Variants in CATSPER1 observed in about 807,000 individuals in gnomAD.
The protein encoded by CATSPER1 is cation channel sperm associated 1.
Under a neutral mutation model 72.7 loss-of-function variants are expected in CATSPER1, and 57 were observed. The ratio of observed to expected loss-of-function variants is 0.78; its 90% CI spans 0.63 to 0.98. The LOEUF (loss-of-function observed/expected upper bound fraction) is 0.98. Ranked by LOEUF, CATSPER1 falls within the 50% of genes least tolerant of loss-of-function variation. The pLI is 0.00. For synonymous variants in CATSPER1, 363 were observed against 403.0 expected (o/e 0.90, Z 1.19); for missense variants, 910 against 1,033.9 (o/e 0.88, Z 1.64).
chr11:66,025,751 T>C lies in CATSPER1; in HGVS notation c.629A>G (p.His210Arg). ...GGGCCAGCCACGGTGGGGGACTTGG[T>C]GATGCTGGGACTCATCGTGTTGGAG... Reference protein sequence around the residue: ...SGLQHDESQHHQVPHRGWPHH... With the variant: ...SGLQHDESQHRQVPHRGWPHH... The change falls in exon 1 of 12, where the codon CAC (histidine) becomes CGC (arginine). Residue 210 changes from histidine (H) to arginine (R), a missense_variant. Physicochemically the swap from His to Arg is conservative, Grantham distance 29. Coordinates refer to ENST00000312106, the MANE Select transcript of CATSPER1 (RefSeq NM_053054.4). The C allele has an allele frequency of 6.2e-7, 1 of 1,613,752 alleles. No homozygotes were observed. The highest frequency in any genetic ancestry group is 8.5e-7 in the Non-Finnish European group (1 of 1,179,918).
chr11:66,020,214 G>A lies in CATSPER1; in HGVS notation c.2065-14C>T, dbSNP rs1856327048. 6.2e-7 allele frequency: 1 copy of A among 1,613,884 alleles called. No homozygotes were observed. The highest frequency in any genetic ancestry group is 1.1e-5 in the South Asian group (1 of 91,086). ...CCGGGCGGCCCTCTGGGAAGAAGAG[G>A]CCTCAGATCTGCCAGAGTCCCAGGC... is the stretch of plus-strand genomic sequence containing the variant. On this transcript the variant is annotated splice_polypyrimidine_tract_variant and intron_variant, in intron 8 of 11. Transcript: ENST00000312106. This position sits in a 1 kb window ranked among gnomAD's most constrained non-coding sequence, Gnocchi z 4.5.
intron 10 of CATSPER1, among the ~76,000 whole-genome samples, chr11:66,018,311 C>T (rs569651477): frequency 6.6e-6 from 1 of 152,224 alleles, no homozygotes; most frequent in African/African-American, 2.4e-5. Context: ...CCCCAGAGAT[C>T]CTTCTCATGG....
Position 66,017,130 on chromosome 11 carries a change from A to G in CATSPER1, c.2246T>C (p.Val749Ala), listed in dbSNP as rs774195313. The G allele has an allele frequency of 4.7e-6, 7 of 1,474,106 alleles. No homozygotes were observed. The South Asian group carries it at 7.9e-5, about 17-fold the overall frequency. The allele number at this position is 1,474,106 out of a possible 1,614,324, so 91.3% of individuals were successfully genotyped here. A position where few individuals can be genotyped will look rare whatever the true frequency, so the allele number is the denominator to read the frequency against. Residue 749 changes from valine (V) to alanine (A), a missense_variant, in exon 11 of 12, where the codon GTG (valine) becomes GCG (alanine). Coordinates refer to ENST00000312106, the MANE Select transcript of CATSPER1 (RefSeq NM_053054.4). ...LFHYLQLVAS[V>A]EQEQQKFRSQ... ...GCGGAACTTCTGCTGCTCCTGCTCC[A>G]CGCTTGCCACCAGCTGCAGGTAATG... is the stretch of plus-strand genomic sequence containing the variant.
At chr11:66,019,926 A>G (rs1206727924) in intron 9 of CATSPER1, among the ~76,000 whole-genome samples, 2 of 148,582 alleles carry the variant, frequency 1.3e-5, no homozygotes, top group African/African-American at 5.1e-5. Flanking sequence ...CTCAAAAAAA[A>G]AAAAAAAAAA....
At chr11:66,021,730 A>G (rs1303334815) in intron 3 of CATSPER1, 36 bp downstream of exon 3, 1 of 1,612,714 alleles carries the variant, frequency 6.2e-7, no homozygotes, top group Non-Finnish European at 8.5e-7. Flanking sequence ...CCTCCCCCAG[A>G]CTAAACACAC....
chr11:66,017,196 G>A (rs201027479), intron 10 of CATSPER1, 22 bp from the exon 11 acceptor site: 8 of 1,479,458 alleles, frequency 5.4e-6, no homozygotes, highest in East Asian at 2.4e-5. Context: ...CGGGGGGGTC[G>A]CAGAGACAGG....
Position 66,017,193 on chromosome 11 carries a change from G to GGGGGGGGCCCC in CATSPER1, c.2202-20_2202-19insGGGGCCCCCCC. 2.0e-6 allele frequency: 1 copy of GGGGGGGGCCCC among 493,812 alleles called. No homozygotes were observed. Among genetic ancestry groups the GGGGGGGGCCCC allele is most frequent in the East Asian group, 5.5e-5 (1 of 18,088 alleles). 30.6% of individuals were successfully genotyped at this position (493,812 alleles called of 1,614,324 possible). On this transcript the variant is annotated intron_variant, in intron 10 of 11. Coordinates refer to ENST00000312106, the MANE Select transcript of CATSPER1 (RefSeq NM_053054.4). ...CTGCTGCCTGCGGGTGGGCGGGGGG[G>GGGGGGGGCCCC]TCGCAGAGACAGGGGCTGGGCTGAC...
Position 66,020,355 on chromosome 11 carries a change from T to C in CATSPER1, c.2026A>G (p.Thr676Ala), listed in dbSNP as rs1401420679. The change falls in exon 8 of 12, where the codon ACG (threonine) becomes GCG (alanine). Residue 676 changes from threonine (T) to alanine (A), a missense_variant. By Grantham distance (58) the Thr-to-Ala change is moderately conservative. Transcript: ENST00000312106. This position sits in a 1 kb window ranked among gnomAD's most constrained non-coding sequence, Gnocchi z 4.5. The stretch of plus-strand genomic sequence containing the variant: ...TTCTCAAGGCCTTTGAACAGCGCCG[T>C]CTGGAAGCTATCCACCAGGACAGTA... ...VITVLVDSFQ[T>A]ALFKGLEKAK... The C allele has an allele frequency of 1.1e-5, 17 of 1,614,044 alleles. No homozygotes were observed. Among genetic ancestry groups the C allele is most frequent in the Non-Finnish European group, 1.4e-5 (17 of 1,180,018 alleles).
In CATSPER1 at chr11:66,020,039, T is replaced by A; in HGVS notation, c.2125+101A>T. 3 of 1,292,252 alleles carry A rather than the reference T, an allele frequency of 2.3e-6. No homozygotes were observed. Among genetic ancestry groups the A allele is most frequent in the Non-Finnish European group, 3.3e-6 (3 of 902,748 alleles). 80.0% of individuals were successfully genotyped at this position (1,292,252 alleles called of 1,614,324 possible). ...GTCTCAAATTCTAAAACTCTAAAAC[T>A]GAGTCTGGAATTCTGTGACTGTGGA... On this transcript the variant is annotated intron_variant, in intron 9 of 11. Transcript: ENST00000312106. This position sits in a 1 kb window ranked among gnomAD's most constrained non-coding sequence, Gnocchi z 4.5.
chr11:66,019,210 T>C (rs1231410824), intron 9 of CATSPER1, among the ~76,000 whole-genome samples: 2 of 152,110 alleles, frequency 1.3e-5, no homozygotes, highest in African/African-American at 4.8e-5. Flanking sequence ...CCATGTCCTC[T>C]GGCTGAAGTT....
chr11:66,025,575 G>T lies in CATSPER1; in HGVS notation c.805C>A (p.Gln269Lys). The T allele has an allele frequency of 6.2e-7, 1 of 1,605,400 alleles. No individual in the cohort carries two copies. Among genetic ancestry groups the T allele is most frequent in the East Asian group, 2.2e-5 (1 of 44,536 alleles). Residue 269 changes from glutamine to lysine, a missense_variant, in exon 1 of 12, where the codon CAA (glutamine) becomes AAA (lysine). By Grantham distance (53) the Gln-to-Lys change is moderately conservative. Transcript: ENST00000312106. ...GISDYHSEYH[Q>K]GDHHPSEYHH... is the part of the protein sequence containing the mutation. ...TACTCACTGGGGTGGTGATCACCTT[G>T]GTGGTACTCGCTGTGATAGTCAGAT...
intron 10 of CATSPER1, among the ~76,000 whole-genome samples, 190 bp from the exon 11 acceptor site, chr11:66,017,364 C>T (rs1436256349): frequency 6.6e-6 from 1 of 152,166 alleles, no homozygotes; most frequent in Non-Finnish European, 1.5e-5. Flanking sequence ...CTGCCTGTAG[C>T]GCAGAGGCTT....
At position 66,020,493 on chromosome 11, in the gene CATSPER1, G is replaced by A; in HGVS notation, c.1991+71C>T. 1 of 1,598,012 alleles carries A rather than the reference G, an allele frequency of 6.3e-7. No homozygotes were observed. Among genetic ancestry groups the A allele is most frequent in the Non-Finnish European group, 8.6e-7 (1 of 1,165,778 alleles). On this transcript the variant is annotated intron_variant, in intron 7 of 11. Coordinates refer to ENST00000312106, the MANE Select transcript of CATSPER1 (RefSeq NM_053054.4). This position sits in a 1 kb window ranked among gnomAD's most constrained non-coding sequence, Gnocchi z 4.5. ...GTGGCATGACCAGGGTGAGAGGGCTGGGGTAAGGGTCCCAGGGGAGAGGAG... is the reference window on the plus strand; with the variant it reads ...GTGGCATGACCAGGGTGAGAGGGCTAGGGTAAGGGTCCCAGGGGAGAGGAG...
chr11:66,020,230 A>G lies in CATSPER1; in HGVS notation c.2065-30T>C. On this transcript the variant is annotated intron_variant, in intron 8 of 11. Coordinates refer to ENST00000312106, the MANE Select transcript of CATSPER1 (RefSeq NM_053054.4). The surrounding 1 kb of genome is among the most constrained non-coding windows in gnomAD (Gnocchi z 4.5). ...GAAGAAGAGGCCTCAGATCTGCCAG[A>G]GTCCCAGGCCTGCTCAACCCTGGAG... The G allele has an allele frequency of 6.2e-7, 1 of 1,614,018 alleles. No individual in the cohort carries two copies. Among genetic ancestry groups the G allele is most frequent in the Non-Finnish European group, 8.5e-7 (1 of 1,179,930 alleles).
chr11:66,017,193 G>GGGGGGGGC lies in CATSPER1; in HGVS notation c.2202-20_2202-19insGCCCCCCC. ...CTGCTGCCTGCGGGTGGGCGGGGGG[G>GGGGGGGGC]TCGCAGAGACAGGGGCTGGGCTGAC... is the stretch of plus-strand genomic sequence containing the variant. On this transcript the variant is annotated intron_variant, in intron 10 of 11. Coordinates refer to ENST00000312106, the MANE Select transcript of CATSPER1 (RefSeq NM_053054.4). 3.0e-5 allele frequency: 15 copies of GGGGGGGGC among 493,774 alleles called. No individual in the cohort carries two copies. The highest frequency in any genetic ancestry group is 5.5e-5 in the East Asian group (1 of 18,090). The allele number at this position is 493,774 out of a possible 1,614,324, so 30.6% of individuals were successfully genotyped here. A position where few individuals can be genotyped will look rare whatever the true frequency, so the allele number is the denominator to read the frequency against.
At chr11:66,024,155 A>C (rs987259270) in intron 1 of CATSPER1, among the ~76,000 whole-genome samples, 7 of 150,386 alleles carry the variant, frequency 4.7e-5, no homozygotes, top group African/African-American at 1.7e-4. Flanking sequence ...TGGTAGAGAC[A>C]GGGTTTTGCC....
Position 66,021,130 on chromosome 11 carries a change from T to C in CATSPER1, c.1747A>G (p.Ile583Val), listed in dbSNP as rs770588188. 26 of 1,613,232 alleles carry C rather than the reference T, an allele frequency of 1.6e-5. No individual in the cohort carries two copies. Among genetic ancestry groups the C allele is most frequent in the Non-Finnish European group, 2.0e-5 (24 of 1,179,818 alleles). ...TGTLGQSLPS[I>V]AAILILMFTC... ...AACATGAGGATGAGGATGGCTGCGA[T>C]GGACGGCAAGGACTGGCCCAGGGTC... The change falls in exon 5 of 12, where the codon ATC becomes GTC. Residue 583 changes from isoleucine (I) to valine (V), a missense_variant. Transcript: ENST00000312106.
chr11:66,021,768 A>G lies in CATSPER1; in HGVS notation c.1541T>C (p.Leu514Ser). 1 of 1,613,958 alleles carries G rather than the reference A, an allele frequency of 6.2e-7. No homozygotes were observed. The highest frequency in any genetic ancestry group is 8.5e-7 in the Non-Finnish European group (1 of 1,179,858). Residue 514 changes from leucine (L) to serine (S), a missense_variant and splice_region_variant, in exon 3 of 12, where the codon TTG becomes TCG. Coordinates refer to ENST00000312106, the MANE Select transcript of CATSPER1 (RefSeq NM_053054.4). ...LSYFFDFWNN[L>S]DFFIMAMAVL... is the part of the protein sequence containing the mutation. ...AGCCTGGCCCCGGCCGCACCCACCC[A>G]AATTGTTCCAGAAGTCAAAGAAGTA...
intron 9 of CATSPER1, among the ~76,000 whole-genome samples, chr11:66,019,631 TGCAATCTCA>T: frequency 6.6e-6 from 1 of 151,928 alleles, no homozygotes; most frequent in African/African-American, 2.4e-5. Flanking sequence ...GGCTCACACC[TGCAATCTCA>T]GCACTTTGGG....
Sources: gnomAD v4.1 joint callset for allele counts (sites outside exome capture counted in the v4.1 genomes callset) on GRCh38, gnomAD v4.1.1 for gene constraint, Gnocchi (gnomAD v3.1) non-coding constraint, MANE v1.5 for transcripts, NCBI Gene and HGNC (gene_info 2026-07-23, HGNC 2026-07-21) for gene names.